AUTS2: variants seen among roughly 807,000 people sequenced by gnomAD.
AUTS2 encodes the protein activator of transcription and developmental regulator AUTS2.
In AUTS2, 17 loss-of-function variants were observed where a neutral mutation model predicts 112.4. That is an observed-to-expected ratio of 0.15 (90% CI 0.10 to 0.23). The LOEUF is 0.23. AUTS2 is among the 10% of genes least tolerant of loss of function. AUTS2 has a pLI of 1.00. For missense variants in AUTS2, 1,510 were observed against 1,701.6 expected, an observed-to-expected ratio of 0.89 and a Z score of 1.98; for synonymous variants, 751 against 702.7, an observed-to-expected ratio of 1.07 and a Z score of -1.09.
intron 10 of AUTS2, among the ~76,000 whole-genome samples, chr7:70,768,695 C>G (rs1019036632): frequency 1.3e-5 from 2 of 151,712 alleles, no homozygotes; most frequent in Non-Finnish European, 2.9e-5. Context: ...TGTTTTATGC[C>G]ATTTTAAGAG....
intron 6 of AUTS2, among the ~76,000 whole-genome samples, chr7:70,717,887 C>T (rs1487956183): frequency 3.9e-5 from 6 of 152,292 alleles, no homozygotes; most frequent in Admixed American, 6.5e-5. Flanking sequence ...ACTCACTTCC[C>T]GAGTGCTCTG....
chr7:70,422,519 G>A (rs1562948777), intron 4 of AUTS2, among the ~76,000 whole-genome samples: 1 of 152,180 alleles, frequency 6.6e-6, no homozygotes. Context: ...GCTCATGCCT[G>A]TAATCCCAGC....
intron 5 of AUTS2, among the ~76,000 whole-genome samples, chr7:70,683,800 A>G (rs994056151): frequency 6.6e-6 from 1 of 152,228 alleles, no homozygotes; most frequent in Non-Finnish European, 1.5e-5. Context: ...ACAGTTAACC[A>G]TCTACAAACT....
intron 4 of AUTS2, among the ~76,000 whole-genome samples, chr7:70,247,923 T>C (rs1350361786): frequency 6.6e-6 from 1 of 152,188 alleles, no homozygotes; most frequent in Non-Finnish European, 1.5e-5. Context: ...TCATTTCTAG[T>C]TTGCTGAGAT....
intron 1 of AUTS2, among the ~76,000 whole-genome samples, chr7:69,648,552 C>T (rs909210587): frequency 1.3e-5 from 2 of 150,484 alleles, no homozygotes; most frequent in African/African-American, 4.9e-5. Context: ...GAATAGAAAA[C>T]GTGCAAGAAA....
At chr7:70,237,974 C>T (rs2129599081) in intron 4 of AUTS2, among the ~76,000 whole-genome samples, 1 of 152,294 alleles carries the variant, frequency 6.6e-6, no homozygotes, top group Admixed American at 6.5e-5. Context: ...CAGCTATCTA[C>T]AGTAATTCAT....
At chr7:70,172,944 C>T (rs543451392) in intron 4 of AUTS2, among the ~76,000 whole-genome samples, 2 of 152,254 alleles carry the variant, frequency 1.3e-5, no homozygotes, top group East Asian at 3.9e-4. Context: ...AAAGTATATG[C>T]GATTACATTT....
At chr7:70,274,965 A>G (rs1787861805) in intron 4 of AUTS2, among the ~76,000 whole-genome samples, 1 of 152,244 alleles carries the variant, frequency 6.6e-6, no homozygotes, top group Non-Finnish European at 1.5e-5. Context: ...CATTATTCAT[A>G]ATAGCTAAAA....
chr7:69,901,866 G>A (rs931561890), intron 2 of AUTS2, among the ~76,000 whole-genome samples: 1 of 152,110 alleles, frequency 6.6e-6, no homozygotes, highest in African/African-American at 2.4e-5. Flanking sequence ...TCACCATCTG[G>A]TAACAGCCCA....
chr7:69,956,310 C>G (rs959410809), intron 2 of AUTS2, among the ~76,000 whole-genome samples: 1 of 152,158 alleles, frequency 6.6e-6, no homozygotes, highest in African/African-American at 2.4e-5. Context: ...TACATATGCA[C>G]ATGCTCAAAT....
chr7:69,639,240 A>G (rs1053752123), intron 1 of AUTS2, among the ~76,000 whole-genome samples: 2 of 152,230 alleles, frequency 1.3e-5, no homozygotes, highest in African/African-American at 4.8e-5. Context: ...AAATGCACCT[A>G]GAGAGTACTT....
Position 69,615,523 on chromosome 7 carries a change from G to A in AUTS2, c.309+15561G>A, listed in dbSNP as rs141897876. Among the ~76,000 whole-genome samples, 114 of 152,062 alleles carry A rather than the reference G, an allele frequency of 7.5e-4. 4 individuals are homozygous for A. In the East Asian group the frequency reaches 0.021, roughly 28 times the overall value. ...TCTCCATGTTGGCCAGGTTGGTCTCGAACTCCTGACCTCAGGTGATCTGCC... is the reference window on the plus strand; with the variant it reads ...TCTCCATGTTGGCCAGGTTGGTCTCAAACTCCTGACCTCAGGTGATCTGCC... On this transcript the variant is annotated intron_variant, in intron 1 of 18. Transcript: ENST00000342771.
chr7:70,018,270 G>T (rs989273957), intron 2 of AUTS2, among the ~76,000 whole-genome samples: 2 of 149,734 alleles, frequency 1.3e-5, no homozygotes, highest in African/African-American at 4.9e-5. Context: ...TTCTATATTC[G>T]CTGACTTTTA....
rs1288458991 is a variant in AUTS2 at position 70,382,144 on chromosome 7, CTCTCCAAATCA to C, written c.661-53602_661-53592del. On this transcript the variant is annotated intron_variant, in intron 4 of 18. Transcript: ENST00000342771. The stretch of plus-strand genomic sequence containing the variant: ...CTCAACGTGTCTGTAATCTCCTCTT[CTCTCCAAATCA>C]TCTCCTCCTATTTCCCCCAGCCTGA... Among the ~76,000 whole-genome samples the C allele has an allele frequency of 2.0e-5, 3 of 152,320 alleles. No individual in the cohort carries two copies. In the East Asian group the frequency reaches 5.8e-4, roughly 29 times the overall value.
chr7:70,258,861 T>A (rs1368940882), intron 4 of AUTS2, among the ~76,000 whole-genome samples: 1 of 152,152 alleles, frequency 6.6e-6, no homozygotes, highest in Non-Finnish European at 1.5e-5. Flanking sequence ...GATTACTGAC[T>A]CTTTTCCCAA....
intron 2 of AUTS2, among the ~76,000 whole-genome samples, chr7:70,080,848 C>A (rs1296739213): frequency 6.6e-6 from 1 of 152,104 alleles, no homozygotes; most frequent in Admixed American, 6.6e-5. Flanking sequence ...ACTTAAAGGA[C>A]AAAGTGTTTG....
At chr7:70,353,714 A>G (rs865987958) in intron 4 of AUTS2, among the ~76,000 whole-genome samples, 1 of 152,202 alleles carries the variant, frequency 6.6e-6, no homozygotes, top group South Asian at 2.1e-4. Context: ...TTCTCTGAGC[A>G]CACACACATG....
At chr7:70,424,492 T>G (rs1427526685) in intron 4 of AUTS2, among the ~76,000 whole-genome samples, 1 of 152,220 alleles carries the variant, frequency 6.6e-6, no homozygotes, top group Admixed American at 6.5e-5. Context: ...GAAGCCTTAC[T>G]TACCTTCTCA....
chr7:70,340,163 A>AACACACAC (rs71077652), intron 4 of AUTS2, among the ~76,000 whole-genome samples: 2,875 of 144,728 alleles, frequency 0.02, 36 homozygotes, highest in South Asian at 0.029. Flanking sequence ...TATGGAGAGA[A>AACACACAC]ACACACACAC....
Sources: allele counts gnomAD v4.1 joint callset (sites outside exome capture counted in the v4.1 genomes callset), GRCh38; gene constraint gnomAD v4.1.1; transcripts MANE v1.5; gene names NCBI Gene and HGNC (gene_info 2026-07-23, HGNC 2026-07-21).